TRPC5: variants seen among roughly 807,000 people sequenced by gnomAD.
The protein encoded by TRPC5 is short transient receptor potential channel 5.
In TRPC5, 9 loss-of-function variants were observed where a neutral mutation model predicts 56.5. That is an observed-to-expected ratio of 0.16 (90% confidence interval 0.10 to 0.28). The LOEUF is 0.28. Ranked by LOEUF, TRPC5 falls within the 10% of genes least tolerant of loss-of-function variation. TRPC5 has a pLI of 1.00. For synonymous variants in TRPC5, 282 were observed against 278.5 expected (o/e 1.01, Z -0.13); for missense variants, 469 against 748.9 (o/e 0.63, Z 4.36).
At chrX:112,014,141 G>T (rs1012463298) in intron 1 of TRPC5, among the ~76,000 whole-genome samples, 5 of 111,539 alleles carry the variant, frequency 4.5e-5, no homozygotes, top group African/African-American at 6.5e-5. Context: ...AGGTGCTGCT[G>T]GTGCTGCTGG....
At chrX:111,858,469 G>A (rs770055102) in intron 3 of TRPC5, among the ~76,000 whole-genome samples, 1 of 108,401 alleles carries the variant, frequency 9.2e-6, no homozygotes, top group South Asian at 3.9e-4. Context: ...AACCTGGGAG[G>A]GACGTCTGAT....
chrX:112,007,210 A>C (rs966946178), intron 1 of TRPC5, among the ~76,000 whole-genome samples: 2 of 111,677 alleles, frequency 1.8e-5, no homozygotes, highest in Non-Finnish European at 3.8e-5. Flanking sequence ...AGTCTGGATG[A>C]CTGAATGGAA....
At chrX:112,062,615 G>C (rs1354651280) in intron 1 of TRPC5, among the ~76,000 whole-genome samples, 1 of 112,192 alleles carries the variant, frequency 8.9e-6, no homozygotes. Context: ...CTACAATACT[G>C]GTATAGGTAA....
intron 1 of TRPC5, among the ~76,000 whole-genome samples, chrX:111,963,186 T>TGGCTCAGAGGGTCCTACGCCCAC (rs1435263070): frequency 2.4e-3 from 266 of 112,472 alleles, no homozygotes; most frequent in Non-Finnish European, 4.0e-3. Flanking sequence ...ATCCCGCACA[T>TGGCTCAGAGGGTCCTACGCCCAC]GGCTCAGAGG....
chrX:112,051,857 T>A (rs747351975), intron 1 of TRPC5, among the ~76,000 whole-genome samples: 4 of 112,249 alleles, frequency 3.6e-5, no homozygotes, highest in African/African-American at 1.3e-4. Context: ...GTACTTTTTA[T>A]AAATTGATTC....
intron 2 of TRPC5, among the ~76,000 whole-genome samples, chrX:111,935,730 C>T (rs1238699083): frequency 8.9e-6 from 1 of 111,914 alleles, no homozygotes; most frequent in Non-Finnish European, 1.9e-5. Context: ...AGAGACTGTC[C>T]TTTCCCCAGT....
intron 7 of TRPC5, among the ~76,000 whole-genome samples, chrX:111,825,146 CCTTTCTTTCTTTCTTT>C (rs570710450): frequency 0.059 from 3,468 of 59,196 alleles, 147 homozygotes; most frequent in East Asian, 0.14. Flanking sequence ...TTCCTTCCTT[CCTTTCTTTCTTTCTTT>C]CTTTCTTTCT....
At chrX:111,819,993 T>C (rs1921982834) in intron 7 of TRPC5, among the ~76,000 whole-genome samples, 1 of 112,190 alleles carries the variant, frequency 8.9e-6, no homozygotes, top group Non-Finnish European at 1.9e-5. Flanking sequence ...GAGGATCGAA[T>C]AAGACAATAT....
At chrX:111,807,715 A>G (rs1940552604) in intron 7 of TRPC5, among the ~76,000 whole-genome samples, 1 of 111,942 alleles carries the variant, frequency 8.9e-6, no homozygotes, top group African/African-American at 3.2e-5. Context: ...TCTTCTTGGG[A>G]AGGCTTTCCA....
At chrX:112,008,244 A>C (rs573852858) in intron 1 of TRPC5, among the ~76,000 whole-genome samples, 1 of 111,941 alleles carries the variant, frequency 8.9e-6, no homozygotes, top group Admixed American at 9.5e-5. Flanking sequence ...AGACCAATAG[A>C]GCCTCATGCA....
intron 2 of TRPC5, among the ~76,000 whole-genome samples, chrX:111,922,146 G>A (rs1477655592): frequency 8.9e-6 from 1 of 111,981 alleles, no homozygotes; most frequent in African/African-American, 3.2e-5. Context: ...CTCATCACTG[G>A]ACACAATCTG....
chrX:111,920,552 G>A lies in TRPC5; in HGVS notation c.379-7740C>T, dbSNP rs971202541. Among the ~76,000 whole-genome samples, 22 of 110,843 alleles carry A rather than the reference G, an allele frequency of 2.0e-4. No homozygotes were observed. The Admixed American group carries it at 2.1e-3, about 11-fold the overall frequency. ...CTAAATTGTATCAGTTTCCCATCCAGGTCCCTGGACTTCTGGGTCCCTTTA... is the reference window on the plus strand; with the variant it reads ...CTAAATTGTATCAGTTTCCCATCCAAGTCCCTGGACTTCTGGGTCCCTTTA... On this transcript the variant is annotated intron_variant, in intron 2 of 10. Transcript: ENST00000262839.
At chrX:111,790,320 C>A (rs1252434675) in intron 7 of TRPC5, among the ~76,000 whole-genome samples, 1 of 111,217 alleles carries the variant, frequency 9.0e-6, no homozygotes, top group East Asian at 2.8e-4. Context: ...CAGAAAACCA[C>A]ACACTGCATG....
rs1163087857 is a variant in TRPC5 at position 111,928,714 on chromosome X, A to G, written c.379-15902T>C. Among the ~76,000 whole-genome samples, 3 of 112,039 alleles carry G rather than the reference A, an allele frequency of 2.7e-5. No individual in the cohort carries two copies. In the Admixed American group the frequency reaches 2.8e-4, roughly 11 times the overall value. On this transcript the variant is annotated intron_variant, in intron 2 of 10. Coordinates refer to ENST00000262839, the MANE Select transcript of TRPC5 (RefSeq NM_012471.3). The stretch of plus-strand genomic sequence containing the variant: ...CTTTCTCACTGTATGCTCTTAGGCT[A>G]GGGGTGTGGGCTGCTGTCTCCCTAG...
intron 3 of TRPC5, among the ~76,000 whole-genome samples, chrX:111,898,798 G>C (rs1925196013): frequency 9.1e-6 from 1 of 110,465 alleles, no homozygotes; most frequent in African/African-American, 3.3e-5. Flanking sequence ...GCTTTACCCA[G>C]GTTGAGGGGT....
chrX:111,926,698 C>A (rs1926268018), intron 2 of TRPC5, among the ~76,000 whole-genome samples: 1 of 112,346 alleles, frequency 8.9e-6, no homozygotes, highest in Non-Finnish European at 1.9e-5. Flanking sequence ...GGAGTTGCCA[C>A]TATTCATATT....
In TRPC5 at chrX:111,770,411, T is replaced by C. The variant is rs1945836125; in HGVS notation, c.*5902A>G. Among the ~76,000 whole-genome samples the C allele has an allele frequency of 8.9e-6, 1 of 111,909 alleles. No individual in the cohort carries two copies. Among genetic ancestry groups the C allele is most frequent in the Non-Finnish European group, 1.9e-5 (1 of 53,200 alleles). On this transcript the variant is annotated 3_prime_UTR_variant, in exon 11 of 11. Transcript: ENST00000262839. Reference sequence around the variant, plus strand: ...CAAATATGACCCAAAATTTGAAAAATGATTTACCGGTAGTTCTGCTTTCAT... The same window carrying C: ...CAAATATGACCCAAAATTTGAAAAACGATTTACCGGTAGTTCTGCTTTCAT...
At chrX:111,817,268 C>T (rs1921885347) in intron 7 of TRPC5, among the ~76,000 whole-genome samples, 1 of 110,736 alleles carries the variant, frequency 9.0e-6, no homozygotes, top group Admixed American at 9.6e-5. Context: ...TTTGTCTTTC[C>T]TAGCTTCCTG....
At chrX:111,992,710 C>G (rs1457222708) in intron 1 of TRPC5, among the ~76,000 whole-genome samples, 2 of 109,128 alleles carry the variant, frequency 1.8e-5, no homozygotes, top group African/African-American at 6.7e-5. Flanking sequence ...TCAGGCAATT[C>G]TCCTGCCTCA....
Sources: allele counts gnomAD v4.1 joint callset (sites outside exome capture counted in the v4.1 genomes callset), GRCh38; gene constraint gnomAD v4.1.1; transcripts MANE v1.5; gene names NCBI Gene and HGNC (gene_info 2026-07-23, HGNC 2026-07-21).